The following MBTPS1 variants were observed in gnomAD, a reference collection of about 807,000 sequenced individuals.
MBTPS1 encodes the protein membrane bound transcription factor peptidase, site 1.
In MBTPS1, 94 loss-of-function variants were observed where a neutral mutation model predicts 127.8. That is an observed-to-expected ratio of 0.74 (90% CI 0.62 to 0.87). The LOEUF is 0.87. MBTPS1 is among the 40% of genes least tolerant of loss of function. The probability of loss-of-function intolerance (pLI) is 0.00; values close to 1 mark genes in which losing one functional copy is unlikely to be tolerated. For missense variants in MBTPS1, 1,636 were observed against 1,353.2 expected (o/e 1.21, Z -3.28); for synonymous variants, 632 against 509.4 (o/e 1.24, Z -3.24).
intron 14 of MBTPS1, among the ~76,000 whole-genome samples, chr16:84,069,335 C>G (rs1398172147): frequency 1.3e-5 from 2 of 152,174 alleles, no homozygotes; most frequent in Non-Finnish European, 2.9e-5. Flanking sequence ...TTCTGAAGGG[C>G]TGCATGGGTC....
chr16:84,063,027 C>T (rs958397696), intron 19 of MBTPS1, among the ~76,000 whole-genome samples: 2 of 152,226 alleles, frequency 1.3e-5, no homozygotes, highest in East Asian at 1.9e-4. Flanking sequence ...CACCACAACG[C>T]GGGAGTCCCG....
Position 84,101,958 on chromosome 16 carries a change from G to T in MBTPS1, c.-175C>A. ...CCCATGGCCTTTTGTGGTTCAGCCT[G>T]AAGAGAGGCTTTCATTTCTTTCTCC... On this transcript the variant is annotated 5_prime_UTR_variant, in exon 2 of 23. Coordinates refer to ENST00000343411, the MANE Select transcript of MBTPS1 (RefSeq NM_003791.4). 1 of 586,184 alleles carries T rather than the reference G, an allele frequency of 1.7e-6. No homozygotes were observed. Among genetic ancestry groups the T allele is most frequent in the African/African-American group, 1.9e-5 (1 of 53,382 alleles). The allele number at this position is 586,184 out of a possible 1,614,324, so 36.3% of individuals were successfully genotyped here. A position where few individuals can be genotyped will look rare whatever the true frequency, so the allele number is the denominator to read the frequency against.
At chr16:84,107,920 G>C (rs1017962910) in intron 1 of MBTPS1, among the ~76,000 whole-genome samples, 9 of 144,714 alleles carry the variant, frequency 6.2e-5, no homozygotes, top group African/African-American at 2.1e-4. Flanking sequence ...TGCCCAGGCT[G>C]GTCTCAAACT....
chr16:84,072,210 C>A (rs912755233), intron 12 of MBTPS1: 1 of 152,200 alleles, frequency 6.6e-6, no homozygotes, highest in African/African-American at 2.4e-5. Context: ...GGAAGGAAGC[C>A]GGGCACAAAA....
In MBTPS1 at chr16:84,065,677, T is replaced by C; in HGVS notation, c.2431+13A>G. 6.3e-7 allele frequency: 1 copy of C among 1,591,562 alleles called. No homozygotes were observed. The highest frequency in any genetic ancestry group is 8.6e-7 in the Non-Finnish European group (1 of 1,159,802). On this transcript the variant is annotated intron_variant, in intron 18 of 22. Transcript: ENST00000343411. ...AAAGAAGAAGCAAAAGGCCCATGAA[T>C]GGCATCCTTTACCTTGGTCCTTGAA...
intron 3 of MBTPS1, among the ~76,000 whole-genome samples, chr16:84,096,853 A>G (rs1771693336): frequency 6.6e-6 from 1 of 152,242 alleles, no homozygotes; most frequent in Non-Finnish European, 1.5e-5. Context: ...GAAGAGCAAC[A>G]CTGAGACCAG....
At chr16:84,060,973 G>A (rs1303027016) in intron 19 of MBTPS1, 160 bp from the exon 20 acceptor site, 7 of 604,938 alleles carry the variant, frequency 1.2e-5, no homozygotes, top group African/African-American at 9.3e-5. Context: ...AGCTGAGACT[G>A]AAGGCACATG....
In MBTPS1 at chr16:84,085,119, AG is replaced by A; in HGVS notation, c.1149del (p.Tyr384ThrfsTer4). 6.2e-7 allele frequency: 1 copy of A among 1,614,224 alleles called. No individual in the cohort carries two copies. Among genetic ancestry groups the A allele is most frequent in the Non-Finnish European group, 8.5e-7 (1 of 1,180,034 alleles). ...RGMTTWELPG[G>X]YGRMKPDIVT... The stretch of plus-strand genomic sequence containing the variant: ...ACAATGTCAGGTTTCATGCGACCGT[AG>A]CCTCCTGGTAGCTCCTATGAATAAA... On this transcript the variant is annotated frameshift_variant, in exon 10 of 23. Transcript: ENST00000343411. LOFTEE classifies it high-confidence loss of function.
In MBTPS1 at chr16:84,095,666, T is replaced by C. The variant is rs752349253; in HGVS notation, c.561A>G (p.Arg187=). 1 of 1,614,130 alleles carries C rather than the reference T, an allele frequency of 6.2e-7. No individual in the cohort carries two copies. The highest frequency in any genetic ancestry group is 2.2e-5 in the East Asian group (1 of 44,900). ...TCTGGGCAACCTGGCGCGGGATGGC[T>C]CTCAGCAGCCGTCTGCTCGAATGCC... ...TGRHSSRRLL[R]AIPRQVAQTL... The change falls in exon 4 of 23, where the codon AGA becomes AGG. Residue 187 remains arginine (R), a synonymous_variant. Coordinates refer to ENST00000343411, the MANE Select transcript of MBTPS1 (RefSeq NM_003791.4).
intron 7 of MBTPS1, 117 bp from the exon 8 acceptor site, chr16:84,091,059 C>T: frequency 1.2e-6 from 1 of 806,038 alleles, no homozygotes; most frequent in South Asian, 1.6e-5. Flanking sequence ...GCAGCACTGG[C>T]CCATTATAAA....
At chr16:84,095,539 T>C in intron 4 of MBTPS1, 63 bp downstream of exon 4, 4 of 1,569,306 alleles carry the variant, frequency 2.5e-6, no homozygotes, top group Non-Finnish European at 3.5e-6. Context: ...TTCCGCGCCT[T>C]CCCTGGGTAA....
chr16:84,075,325 G>A (rs1372097806), intron 11 of MBTPS1: 1 of 152,276 alleles, frequency 6.6e-6, no homozygotes, highest in African/African-American at 2.4e-5. Flanking sequence ...GCCTGGGAGA[G>A]GTGCTGGGGA....
In MBTPS1 at chr16:84,054,648, G is replaced by A; in HGVS notation, c.2963-3C>T. Reference sequence around the variant, plus strand: ...GTTGTAGCGGCCAGGCATGATCCCTGTAAGAGGACAGCCGGTTGAACAGGC... The same window carrying A: ...GTTGTAGCGGCCAGGCATGATCCCTATAAGAGGACAGCCGGTTGAACAGGC... On this transcript the variant is annotated splice_polypyrimidine_tract_variant and splice_region_variant and intron_variant, in intron 22 of 22. Coordinates refer to ENST00000343411, the MANE Select transcript of MBTPS1 (RefSeq NM_003791.4). 2 of 1,582,880 alleles carry A rather than the reference G, an allele frequency of 1.3e-6. No homozygotes were observed. The highest frequency in any genetic ancestry group is 1.7e-6 in the Non-Finnish European group (2 of 1,161,458).
chr16:84,085,756 T>C (rs573714692), intron 9 of MBTPS1, among the ~76,000 whole-genome samples: 10 of 152,186 alleles, frequency 6.6e-5, no homozygotes, highest in African/African-American at 2.4e-4. Context: ...GACTGGAAAG[T>C]GGACACTGGC....
chr16:84,059,343 C>T lies in MBTPS1; in HGVS notation c.2790G>A (p.Leu930=). 1 of 1,614,120 alleles carries T rather than the reference C, an allele frequency of 6.2e-7. No individual in the cohort carries two copies. Among genetic ancestry groups the T allele is most frequent in the South Asian group, 1.1e-5 (1 of 91,070 alleles). Residue 930 remains leucine (L), a synonymous_variant, in exon 21 of 23, where the codon TTG becomes TTA. Transcript: ENST00000343411. ...TTAAAGGCTGTGGCTTGGCCCAAGA[C>T]AAGCGTGGACAGGCTGGTAGAGGCC... ...KPRPLPACPR[L]SWAKPQPLNE... is the part of the protein sequence containing the mutation.
intron 17 of MBTPS1, among the ~76,000 whole-genome samples, 198 bp from the exon 18 acceptor site, chr16:84,065,965 T>A (rs904769279): frequency 6.6e-6 from 1 of 152,232 alleles, no homozygotes; most frequent in African/African-American, 2.4e-5. Context: ...TAAAAAACAC[T>A]ACTAACATCA....
chr16:84,084,942 C>G, intron 10 of MBTPS1, 41 bp downstream of exon 10: 1 of 1,600,276 alleles, frequency 6.2e-7, no homozygotes, highest in Non-Finnish European at 8.5e-7. Flanking sequence ...GTGCTCCTGT[C>G]CTGACGTGGG....
chr16:84,086,145 C>T (rs190285265), intron 9 of MBTPS1: 42 of 152,256 alleles, frequency 2.8e-4, no homozygotes, highest in African/African-American at 9.4e-4. Flanking sequence ...ACTGGGATAC[C>T]GAGTAAAGGC....
chr16:84,062,593 C>G (rs2085629353), intron 19 of MBTPS1, among the ~76,000 whole-genome samples: 1 of 152,194 alleles, frequency 6.6e-6, no homozygotes. Flanking sequence ...CCAGTGGTCA[C>G]AGCGCATTAG....
Sources: allele counts gnomAD v4.1 joint callset (sites outside exome capture counted in the v4.1 genomes callset), GRCh38; gene constraint gnomAD v4.1.1; transcripts MANE v1.5; gene names NCBI Gene and HGNC (gene_info 2026-07-23, HGNC 2026-07-21).